The following MAP3K1 variants were observed in gnomAD, a reference collection of about 807,000 sequenced individuals.
The protein encoded by MAP3K1 is MAP/ERK kinase kinase 1.
MAP3K1 carries 36 observed loss-of-function variants against 144.2 expected under a neutral mutation model. That is an observed-to-expected ratio of 0.25 (90% CI 0.19 to 0.33). MAP3K1 has a LOEUF of 0.33. Ranked by LOEUF, MAP3K1 falls within the 10% of genes least tolerant of loss-of-function variation. The probability of loss-of-function intolerance (pLI) is 1.00; values close to 1 mark genes in which losing one functional copy is unlikely to be tolerated. For missense variants in MAP3K1, 1,650 were observed against 1,881.9 expected, an observed-to-expected ratio of 0.88 and a Z score of 2.28; for synonymous variants, 718 against 688.7, an observed-to-expected ratio of 1.04 and a Z score of -0.67.
intron 6 of MAP3K1, among the ~76,000 whole-genome samples, chr5:56,870,090 G>A (rs1561191987): frequency 6.6e-6 from 1 of 152,064 alleles, no homozygotes; most frequent in African/African-American, 2.4e-5. Context: ...AGTAGTTACT[G>A]TTTTTGCCAT....
intron 19 of MAP3K1, among the ~76,000 whole-genome samples, chr5:56,888,588 C>T (rs1748452930): frequency 6.6e-6 from 1 of 152,186 alleles, no homozygotes; most frequent in Admixed American, 6.5e-5. Context: ...TCTGAGCTAG[C>T]AATATGTGCT....
At chr5:56,818,529 T>A (rs968660174) in intron 1 of MAP3K1, among the ~76,000 whole-genome samples, 2 of 152,180 alleles carry the variant, frequency 1.3e-5, no homozygotes, top group Non-Finnish European at 2.9e-5. Flanking sequence ...ATAATACTCG[T>A]ATTTAAATAG....
At chr5:56,853,025 G>A (rs78669508) in intron 1 of MAP3K1, among the ~76,000 whole-genome samples, 1 of 152,006 alleles carries the variant, frequency 6.6e-6, no homozygotes, top group African/African-American at 2.4e-5. Context: ...TTCACAGTTT[G>A]GTTCTGTTTC....
chr5:56,842,722 A>C (rs1359221409), intron 1 of MAP3K1, among the ~76,000 whole-genome samples: 3 of 152,222 alleles, frequency 2.0e-5, no homozygotes, highest in Non-Finnish European at 2.9e-5. Flanking sequence ...TTATAGGAGA[A>C]TAATGGGAGG....
Position 56,865,926 on chromosome 5 carries a change from A to G in MAP3K1, c.1250A>G (p.Asn417Ser). The stretch of plus-strand genomic sequence containing the variant: ...CAGAAGTTTGTTTCACGCATGTCAA[A>G]TTCTCATACATTGTCATCATCTAGT... ...TIQKFVSRMSNSHTLSSSSTS... is the reference protein window; with the variant it reads ...TIQKFVSRMSSSHTLSSSSTS... Residue 417 changes from asparagine to serine, a missense_variant, in exon 6 of 20, where the codon AAT becomes AGT. By Grantham distance (46) the Asn-to-Ser change is conservative. Transcript: ENST00000399503. The G allele has an allele frequency of 1.2e-6, 2 of 1,612,948 alleles. No individual in the cohort carries two copies. Among genetic ancestry groups the G allele is most frequent in the South Asian group, 1.1e-5 (1 of 91,048 alleles).
At position 56,847,831 on chromosome 5, in the gene MAP3K1, C is replaced by T. The variant is rs764912573; in HGVS notation, c.483-8769C>T. Among the ~76,000 whole-genome samples the T allele has an allele frequency of 5.3e-5, 8 of 152,214 alleles. No individual in the cohort carries two copies. The South Asian group carries it at 1.2e-3, about 24-fold the overall frequency. On this transcript the variant is annotated intron_variant, in intron 1 of 19. Coordinates refer to ENST00000399503, the MANE Select transcript of MAP3K1 (RefSeq NM_005921.2). ...TACAGTTGTCAGTATTTTATGCAGA[C>T]GTTATTTTATATGTTCCAGTGGTGT...
chr5:56,839,909 T>C (rs1746761595), intron 1 of MAP3K1, among the ~76,000 whole-genome samples: 1 of 152,220 alleles, frequency 6.6e-6, no homozygotes, highest in African/African-American at 2.4e-5. Context: ...ATCATCTTAT[T>C]AATGTTTCTT....
intron 7 of MAP3K1, among the ~76,000 whole-genome samples, chr5:56,872,405 CAG>C (rs1422119950): frequency 6.6e-6 from 1 of 152,172 alleles, no homozygotes; most frequent in East Asian, 1.9e-4. Flanking sequence ...GGTAGTCAAA[CAG>C]GGCAGAATGT....
chr5:56,825,429 C>A (rs1156287212), intron 1 of MAP3K1, among the ~76,000 whole-genome samples: 2 of 152,206 alleles, frequency 1.3e-5, no homozygotes, highest in African/African-American at 4.8e-5. Flanking sequence ...TCTTTGCTGA[C>A]TCATTGATAC....
At chr5:56,860,050 G>GT (rs1434701797) in intron 3 of MAP3K1, 135 bp downstream of exon 3, 10 of 811,554 alleles carry the variant, frequency 1.2e-5, no homozygotes, top group Non-Finnish European at 2.1e-5. Context: ...GGATGGGGGG[G>GT]GTGGTTCCTG....
At chr5:56,852,541 A>G (rs1427653317) in intron 1 of MAP3K1, among the ~76,000 whole-genome samples, 1 of 152,220 alleles carries the variant, frequency 6.6e-6, no homozygotes, top group East Asian at 1.9e-4. Context: ...TAAACAGGAA[A>G]TGAAGATAAA....
At chr5:56,836,689 T>C (rs1324052870) in intron 1 of MAP3K1, among the ~76,000 whole-genome samples, 1 of 152,176 alleles carries the variant, frequency 6.6e-6, no homozygotes, top group South Asian at 2.1e-4. Flanking sequence ...TGTCATATTA[T>C]GATGGCAGAG....
chr5:56,856,821 A>T (rs1747358179), intron 2 of MAP3K1, 71 bp downstream of exon 2: 1 of 1,480,378 alleles, frequency 6.8e-7, no homozygotes, highest in Non-Finnish European at 9.4e-7. Flanking sequence ...GCATAAATAG[A>T]TCCTCTTGTA....
Position 56,871,946 on chromosome 5 carries a change from C to T in MAP3K1, c.1338C>T (p.Cys446=), listed in dbSNP as rs1328907806. The T allele has an allele frequency of 6.2e-7, 1 of 1,613,828 alleles. No individual in the cohort carries two copies. The highest frequency in any genetic ancestry group is 2.2e-5 in the East Asian group (1 of 44,882). The change falls in exon 7 of 20, where the codon TGC becomes TGT. Residue 446 remains cysteine, a synonymous_variant. Coordinates refer to ENST00000399503, the MANE Select transcript of MAP3K1 (RefSeq NM_005921.2). The stretch of plus-strand genomic sequence containing the variant: ...AAGAGGAACAGATGTGTCCTATTTG[C>T]TTGTTGGGCATGCTTGATGAAGAAA... ...KDEEEQMCPI[C]LLGMLDEESL...
At position 56,816,004 on chromosome 5, in the gene MAP3K1, G is replaced by C. The variant is rs1169305928; in HGVS notation, c.431G>C (p.Gly144Ala). The change falls in exon 1 of 20, where the codon GGG (glycine) becomes GCG (alanine). Residue 144 changes from glycine to alanine, a missense_variant. Gly to Ala is a moderately conservative substitution (Grantham distance 60, BLOSUM62 0). Transcript: ENST00000399503. Reference protein sequence around the residue: ...GASSPAAAEPGEKRAPAAEPS... With the variant: ...GASSPAAAEPAEKRAPAAEPS... ...TCGAGTCCCGCAGCGGCCGAGCCCG[G>C]GGAGAAGCGGGCGCCCGCCGCCGAG... is the stretch of plus-strand genomic sequence containing the variant. 1 of 1,227,638 alleles carries C rather than the reference G, an allele frequency of 8.1e-7. No homozygotes were observed. Among genetic ancestry groups the C allele is most frequent in the Non-Finnish European group, 1.0e-6 (1 of 986,602 alleles). 76.0% of individuals were successfully genotyped at this position (1,227,638 alleles called of 1,614,324 possible). A position where few individuals can be genotyped will look rare whatever the true frequency, so the allele number is the denominator to read the frequency against.
chr5:56,833,419 T>C (rs2111789403), intron 1 of MAP3K1, among the ~76,000 whole-genome samples: 1 of 152,330 alleles, frequency 6.6e-6, no homozygotes, highest in Non-Finnish European at 1.5e-5. Context: ...CCAGACTGTC[T>C]GACATGCTTC....
intron 1 of MAP3K1, among the ~76,000 whole-genome samples, chr5:56,839,343 A>G (rs1220931559): frequency 5.3e-5 from 8 of 152,196 alleles, no homozygotes; most frequent in African/African-American, 1.9e-4. Flanking sequence ...CCACTTGTCG[A>G]TTGGATTATG....
chr5:56,883,373 T>C (rs1032323651), intron 14 of MAP3K1, among the ~76,000 whole-genome samples, 154 bp from the exon 15 acceptor site: 1 of 152,272 alleles, frequency 6.6e-6, no homozygotes, highest in African/African-American at 2.4e-5. Context: ...TGATTACTTT[T>C]GCATTTGCTG....
chr5:56,820,307 G>A (rs1746115655), intron 1 of MAP3K1: 2 of 396,208 alleles, frequency 5.0e-6, no homozygotes, highest in South Asian at 1.0e-4. Context: ...TCCCAAGTCA[G>A]ACTGACTCCA....
Sources: allele counts gnomAD v4.1 joint callset (sites outside exome capture counted in the v4.1 genomes callset), GRCh38; gene constraint gnomAD v4.1.1; transcripts MANE v1.5; gene names NCBI Gene and HGNC (gene_info 2026-07-23, HGNC 2026-07-21).